Variants in AP5Z1 observed in about 807,000 individuals in gnomAD.
The protein encoded by AP5Z1 is adaptor related protein complex 5 subunit zeta 1.
In AP5Z1, 106 loss-of-function variants were observed where a neutral mutation model predicts 83.0. The observed-to-expected ratio is 1.28, with a 90% confidence interval of 1.09 to 1.50. The LOEUF (loss-of-function observed/expected upper bound fraction) is 1.50, where lower values mean the gene tolerates loss of function less well. Ranked by LOEUF, AP5Z1 falls within the 40% of genes most tolerant of loss-of-function variation. The pLI, the probability that AP5Z1 is intolerant of heterozygous loss-of-function variation, is 0.00. For synonymous variants in AP5Z1, 751 were observed against 514.1 expected (o/e 1.46, Z -6.23); for missense variants, 1,565 against 1,094.2 (o/e 1.43, Z -6.07).
At chr7:4,777,377 ATTTAT>A (rs1211790532) in intron 1 of AP5Z1, among the ~76,000 whole-genome samples, 1 of 151,260 alleles carries the variant, frequency 6.6e-6, no homozygotes, top group Non-Finnish European at 1.5e-5. Context: ...TTATTTATTT[ATTTAT>A]TTATTTTTAT....
intron 10 of AP5Z1, 155 bp from the exon 11 acceptor site, chr7:4,787,479 C>T: frequency 1.7e-6 from 2 of 1,159,800 alleles, no homozygotes; most frequent in Non-Finnish European, 2.4e-6. Flanking sequence ...GAGCAAGACC[C>T]TGTCTCAAAA....
At chr7:4,780,952 G>A (rs955390374) in intron 1 of AP5Z1, among the ~76,000 whole-genome samples, 2 of 152,136 alleles carry the variant, frequency 1.3e-5, no homozygotes, top group Non-Finnish European at 2.9e-5. Flanking sequence ...AGTGAGATTC[G>A]TCATAGTGCG....
Position 4,781,615 on chromosome 7 carries a change from C to G in AP5Z1, c.227C>G (p.Pro76Arg). Reference protein sequence around the residue: ...VDLLQATLGLPACPEQLQVLC... With the variant: ...VDLLQATLGLRACPEQLQVLC... ...CTGCTGCAGGCCACCCTCGGCCTGC[C>G]TGCATGCCCCGAGCAGCTCCAGGTG... The change falls in exon 3 of 17, where the codon CCT becomes CGT. Residue 76 changes from proline (P) to arginine (R), a missense_variant. By Grantham distance (103) the Pro-to-Arg change is moderately radical (BLOSUM62 -2). Transcript: ENST00000649063. 6.2e-7 allele frequency: 1 copy of G among 1,610,054 alleles called. No individual in the cohort carries two copies. The highest frequency in any genetic ancestry group is 2.2e-5 in the East Asian group (1 of 44,756).
In AP5Z1 at chr7:4,775,760, CGG is replaced by C. The variant is rs1401839716; in HGVS notation, c.41+8_41+9del. 8.1e-6 allele frequency: 13 copies of C among 1,603,736 alleles called. No homozygotes were observed. The highest frequency in any genetic ancestry group is 1.1e-5 in the Non-Finnish European group (13 of 1,179,612). On this transcript the variant is annotated splice_donor_5th_base_variant and intron_variant, in intron 1 of 16. Coordinates refer to ENST00000649063, the MANE Select transcript of AP5Z1 (RefSeq NM_014855.3). ...AGAGTTTGCTCCACCAGGCCAGGTACGGGGGAGCTGCGGCCCCGGCCCTCCTT... is the reference window on the plus strand; with the variant it reads ...AGAGTTTGCTCCACCAGGCCAGGTACGGGAGCTGCGGCCCCGGCCCTCCTT...
chr7:4,781,832 C>A (rs1404387051), intron 3 of AP5Z1, 78 bp downstream of exon 3: 1 of 1,423,672 alleles, frequency 7.0e-7, no homozygotes, highest in Admixed American at 2.6e-5. Flanking sequence ...AGCAGGGGCG[C>A]CAGAGCCGGC....
intron 14 of AP5Z1, 24 bp from the exon 15 acceptor site, chr7:4,790,435 G>T: frequency 9.9e-6 from 16 of 1,612,854 alleles, no homozygotes; most frequent in Non-Finnish European, 1.4e-5. Flanking sequence ...CACAGAGCAG[G>T]CGTAGACCCG....
chr7:4,787,346 CATG>C (rs1255285768), intron 10 of AP5Z1, among the ~76,000 whole-genome samples: 5 of 152,074 alleles, frequency 3.3e-5, no homozygotes, highest in Non-Finnish European at 5.9e-5. Context: ...AACAGCCTCA[CATG>C]GTGGTGTGTG....
intron 10 of AP5Z1, 82 bp from the exon 11 acceptor site, chr7:4,787,552 T>C: frequency 6.7e-7 from 1 of 1,500,234 alleles, no homozygotes; most frequent in South Asian, 1.3e-5. Flanking sequence ...CTGGGACAGC[T>C]GTGGGGCCCT....
At chr7:4,788,755 G>C in intron 12 of AP5Z1, 85 bp from the exon 13 acceptor site, 3 of 1,214,872 alleles carry the variant, frequency 2.5e-6, no homozygotes, top group Non-Finnish European at 3.4e-6. Flanking sequence ...TCAGCTGTGC[G>C]AGAGGGAGCA....
intron 3 of AP5Z1, among the ~76,000 whole-genome samples, chr7:4,782,918 GTC>G (rs1239072232): frequency 2.6e-5 from 4 of 152,232 alleles, no homozygotes; most frequent in African/African-American, 7.2e-5. Context: ...TGTGCTGGGT[GTC>G]TCTGGTGCTG....
At chr7:4,787,919 G>GC in intron 11 of AP5Z1, 143 bp downstream of exon 11, 1 of 1,213,046 alleles carries the variant, frequency 8.2e-7, no homozygotes, top group Non-Finnish European at 1.1e-6. Context: ...CCCCTGCAAA[G>GC]CCACCTCTAG....
rs563530944 is a variant in AP5Z1, at chr7:4,791,228, C to T, written c.2267C>T (p.Thr756Ile). 45 of 1,612,802 alleles carry T rather than the reference C, an allele frequency of 2.8e-5. No individual in the cohort carries two copies. The highest frequency in any genetic ancestry group is 3.6e-5 in the Non-Finnish European group (43 of 1,179,854). ...AIRTRATELLTLLKMPSVAQF... is the reference protein window; with the variant it reads ...AIRTRATELLILLKMPSVAQF... ...CGTACCCGGGCCACAGAGCTGCTGA[C>T]CCTGCTGAAGATGCCTAGCGTGGCC... Residue 756 changes from threonine (T) to isoleucine (I), a missense_variant, in exon 17 of 17, where the codon ACC becomes ATC. By Grantham distance (89) the Thr-to-Ile change is moderately conservative. Coordinates refer to ENST00000649063, the MANE Select transcript of AP5Z1 (RefSeq NM_014855.3).
chr7:4,775,800 C>T (rs1781209184), intron 1 of AP5Z1, 44 bp downstream of exon 1: 2 of 1,594,510 alleles, frequency 1.3e-6, no homozygotes, highest in Non-Finnish European at 1.7e-6. Flanking sequence ...TGCATCTCTC[C>T]CTAGGGGCAC....
chr7:4,784,845 C>G, intron 6 of AP5Z1, 63 bp from the exon 7 acceptor site: 1 of 1,552,776 alleles, frequency 6.4e-7, no homozygotes, highest in Non-Finnish European at 8.7e-7. Flanking sequence ...CCAAGCAGGG[C>G]AGCAGGCATG....
chr7:4,790,996 G>C (rs969529473), intron 16 of AP5Z1, 109 bp downstream of exon 16: 13 of 1,466,828 alleles, frequency 8.9e-6, no homozygotes, highest in Admixed American at 2.3e-5. Flanking sequence ...CGCAGGTCCT[G>C]GGTGGGCCCT....
At chr7:4,788,628 C>T in intron 12 of AP5Z1, 1 of 525,582 alleles carries the variant, frequency 1.9e-6, no homozygotes, top group African/African-American at 1.9e-5. Context: ...TGCCCTCAGC[C>T]CACGCCAGCC....
intron 1 of AP5Z1, among the ~76,000 whole-genome samples, chr7:4,776,217 T>G (rs1295223810): frequency 1.3e-5 from 2 of 152,030 alleles, no homozygotes; most frequent in African/African-American, 4.8e-5. Flanking sequence ...TTTTGTGACT[T>G]AAAAAGATCT....
chr7:4,784,812 G>A (rs990147665), intron 6 of AP5Z1, 96 bp from the exon 7 acceptor site: 6 of 1,464,006 alleles, frequency 4.1e-6, no homozygotes, highest in Non-Finnish European at 5.5e-6. Context: ...AGGGGCTGCG[G>A]CCTGTGCTCT....
At chr7:4,779,356 TATATC>T (rs1781315532) in intron 1 of AP5Z1, among the ~76,000 whole-genome samples, 1 of 145,494 alleles carries the variant, frequency 6.9e-6, no homozygotes, top group South Asian at 2.1e-4. Flanking sequence ...TAACATGTTA[TATATC>T]ATAACGTGTT....
Sources: gnomAD v4.1 joint callset for allele counts (sites outside exome capture counted in the v4.1 genomes callset) on GRCh38, gnomAD v4.1.1 for gene constraint, MANE v1.5 for transcripts, NCBI Gene and HGNC (gene_info 2026-07-23, HGNC 2026-07-21) for gene names.